The following PTPRD variants were observed in gnomAD, a reference collection of about 807,000 sequenced individuals.
PTPRD encodes protein tyrosine phosphatase receptor type D.
A neutral mutation model predicts 214.5 loss-of-function variants in PTPRD; 34 were observed. The observed-to-expected ratio is 0.16, with a 90% CI of 0.12 to 0.21. PTPRD has a LOEUF of 0.21. Ranked by LOEUF, PTPRD falls within the 10% of genes least tolerant of loss-of-function variation. The pLI is 1.00. For synonymous variants in PTPRD, 1,128 were observed against 845.7 expected (o/e 1.33, Z -5.79); for missense variants, 2,545 against 2,398.7 (o/e 1.06, Z -1.27).
chr9:8,689,776 C>T (rs775770592), intron 12 of PTPRD, among the ~76,000 whole-genome samples: 18 of 152,094 alleles, frequency 1.2e-4, no homozygotes, highest in Non-Finnish European at 1.2e-4. Flanking sequence ...TGTTTTTCTA[C>T]ACTTTGAGTG....
chr9:8,833,228 T>C (rs1246823012), intron 11 of PTPRD, among the ~76,000 whole-genome samples: 1 of 152,084 alleles, frequency 6.6e-6, no homozygotes, highest in East Asian at 1.9e-4. Context: ...GAAATAACCA[T>C]ATTGGACAGT....
chr9:8,428,058 T>C (rs930305186), intron 35 of PTPRD, among the ~76,000 whole-genome samples: 6 of 152,154 alleles, frequency 3.9e-5, no homozygotes, highest in African/African-American at 1.4e-4. Context: ...CAAACTAAAA[T>C]ACAGAGAGGT....
chr9:9,450,367 A>G (rs1172210219), intron 8 of PTPRD, among the ~76,000 whole-genome samples: 1 of 151,920 alleles, frequency 6.6e-6, no homozygotes, highest in African/African-American at 2.4e-5. Context: ...TGGTTGTACT[A>G]GCAACATTCC....
intron 10 of PTPRD, chr9:9,090,961 C>A: frequency 1.9e-6 from 3 of 1,572,188 alleles, no homozygotes; most frequent in East Asian, 4.5e-5. Context: ...GCAGCCTATT[C>A]GCTGCACTAA....
intron 8 of PTPRD, among the ~76,000 whole-genome samples, chr9:9,496,719 T>C (rs1180173298): frequency 2.0e-5 from 3 of 152,118 alleles, no homozygotes; most frequent in Non-Finnish European, 2.9e-5. Context: ...AAAAATAGAA[T>C]TACCATATGA....
intron 7 of PTPRD, among the ~76,000 whole-genome samples, chr9:9,690,866 C>T (rs559707669): frequency 7.9e-6 from 1 of 127,008 alleles, no homozygotes; most frequent in South Asian, 2.7e-4. Context: ...GTTACTATGG[C>T]TTTGTAGTAT....
intron 2 of PTPRD, among the ~76,000 whole-genome samples, chr9:10,436,157 T>C (rs1311307547): frequency 1.3e-5 from 2 of 151,830 alleles, no homozygotes; most frequent in South Asian, 2.1e-4. Flanking sequence ...AAGATGATAA[T>C]ATGTCAAAAA....
intron 2 of PTPRD, among the ~76,000 whole-genome samples, chr9:10,343,214 G>A (rs975755382): frequency 6.6e-6 from 1 of 151,850 alleles, no homozygotes; most frequent in Non-Finnish European, 1.5e-5. Flanking sequence ...ACCTATGAGT[G>A]AGAACGTGCG....
intron 12 of PTPRD, among the ~76,000 whole-genome samples, chr9:8,720,374 C>G (rs1183054242): frequency 6.6e-6 from 1 of 152,158 alleles, no homozygotes. Context: ...GGTGTACTAC[C>G]ACTTCTGCAC....
chr9:10,469,029 A>C lies in PTPRD; in HGVS notation c.-599-128012T>G, dbSNP rs1302298923. Among the ~76,000 whole-genome samples the C allele has an allele frequency of 1.3e-5, 2 of 152,110 alleles. 1 individual carries two copies. Among genetic ancestry groups the C allele is most frequent in the Non-Finnish European group, 2.9e-5 (2 of 68,004 alleles). On this transcript the variant is annotated intron_variant, in intron 2 of 45. Transcript: ENST00000381196. ...ACCCAAAACCTATAGTAAATAACACACTTAATGCTGAAATTAAAAATTATC... is the reference window on the plus strand; with the variant it reads ...ACCCAAAACCTATAGTAAATAACACCCTTAATGCTGAAATTAAAAATTATC...
intron 3 of PTPRD, among the ~76,000 whole-genome samples, chr9:10,091,703 A>G (rs2098433859): frequency 6.6e-6 from 1 of 151,466 alleles, no homozygotes; most frequent in Admixed American, 6.6e-5. Context: ...GTTAGAAAGC[A>G]GGGTCATTTA....
intron 11 of PTPRD, among the ~76,000 whole-genome samples, chr9:8,931,575 TG>T (rs1277568139): frequency 6.6e-6 from 1 of 152,192 alleles, no homozygotes; most frequent in Non-Finnish European, 1.5e-5. Flanking sequence ...TTCACGATAT[TG>T]ATTCTTCCTA....
chr9:8,492,780 T>C (rs2097177973), intron 27 of PTPRD, 82 bp downstream of exon 27: 4 of 959,794 alleles, frequency 4.2e-6, no homozygotes, highest in South Asian at 4.3e-5. Context: ...TTTACTATAA[T>C]AAAAGCCTGC....
intron 2 of PTPRD, among the ~76,000 whole-genome samples, chr9:10,387,082 T>A (rs924225948): frequency 6.6e-6 from 1 of 151,718 alleles, no homozygotes; most frequent in Non-Finnish European, 1.5e-5. Context: ...ATAAAAAGAT[T>A]GTTCGCAAGA....
chr9:8,772,587 T>G (rs1398219624), intron 11 of PTPRD, among the ~76,000 whole-genome samples: 1 of 151,906 alleles, frequency 6.6e-6, no homozygotes, highest in East Asian at 1.9e-4. Flanking sequence ...AGGATGTAGT[T>G]AGCTATGACT....
At chr9:10,204,287 A>C (rs1288062540) in intron 3 of PTPRD, among the ~76,000 whole-genome samples, 2 of 152,170 alleles carry the variant, frequency 1.3e-5, no homozygotes, top group African/African-American at 4.8e-5. Context: ...GAAAAAAAAC[A>C]ACTCAGTTTT....
At chr9:9,949,622 C>A (rs751539476) in intron 4 of PTPRD, among the ~76,000 whole-genome samples, 1 of 152,120 alleles carries the variant, frequency 6.6e-6, no homozygotes, top group Non-Finnish European at 1.5e-5. Context: ...GCTCCTAGTC[C>A]TACTACGGAG....
At chr9:9,133,607 T>C (rs2099846182) in intron 10 of PTPRD, among the ~76,000 whole-genome samples, 1 of 152,182 alleles carries the variant, frequency 6.6e-6, no homozygotes. Flanking sequence ...CATGGATACA[T>C]AGGGATTTTA....
At chr9:9,193,327 T>A (rs550394410) in intron 9 of PTPRD, among the ~76,000 whole-genome samples, 1 of 152,258 alleles carries the variant, frequency 6.6e-6, no homozygotes, top group South Asian at 2.1e-4. Context: ...AACATGATAA[T>A]TATGCTATTT....
Sources: allele counts gnomAD v4.1 joint callset (sites outside exome capture counted in the v4.1 genomes callset), GRCh38; gene constraint gnomAD v4.1.1; transcripts MANE v1.5; gene names NCBI Gene and HGNC (gene_info 2026-07-23, HGNC 2026-07-21).